The following TIMD4 variants were observed in gnomAD, a reference collection of about 807,000 sequenced individuals.
The protein encoded by TIMD4 is T cell immunoglobulin and mucin domain containing 4, also known as T-cell immunoglobulin and mucin domain-containing protein 4.
TIMD4 carries 31 observed loss-of-function variants against 41.2 expected under a neutral mutation model. That is an observed-to-expected ratio of 0.75 (90% CI 0.57 to 1.01). The LOEUF (loss-of-function observed/expected upper bound fraction) is 1.01. Ranked by LOEUF, TIMD4 falls within the 50% of genes least tolerant of loss-of-function variation. TIMD4 has a pLI of 0.00. For missense variants in TIMD4, 479 were observed against 472.5 expected (o/e 1.01, Z -0.13); for synonymous variants, 204 against 177.1 (o/e 1.15, Z -1.21).
chr5:156,954,368 C>G, intron 2 of TIMD4, 47 bp downstream of exon 2: 1 of 1,553,562 alleles, frequency 6.4e-7, no homozygotes, highest in Non-Finnish European at 8.8e-7. Flanking sequence ...TGTCCATTAA[C>G]CACTGAATCT....
chr5:156,962,466 G>A (rs754200769), intron 1 of TIMD4, among the ~76,000 whole-genome samples: 1 of 152,048 alleles, frequency 6.6e-6, no homozygotes, highest in Non-Finnish European at 1.5e-5. Context: ...TCTTGTCCTA[G>A]AAGCACAGAT....
chr5:156,947,615 A>G (rs988222630), intron 5 of TIMD4, among the ~76,000 whole-genome samples: 1 of 152,260 alleles, frequency 6.6e-6, no homozygotes. Context: ...ACATGTATCT[A>G]CATAGATTAA....
At chr5:156,944,716 A>G (rs373155331) in intron 5 of TIMD4, among the ~76,000 whole-genome samples, 1 of 152,048 alleles carries the variant, frequency 6.6e-6, no homozygotes, top group Non-Finnish European at 1.5e-5. Context: ...TGTGTTAGCC[A>G]GGATGGTCTC....
chr5:156,927,160 A>C (rs1759363085), intron 5 of TIMD4, among the ~76,000 whole-genome samples: 1 of 152,240 alleles, frequency 6.6e-6, no homozygotes, highest in Admixed American at 6.5e-5. Context: ...TAGTTCATTG[A>C]AAGTTTTATT....
chr5:156,925,857 C>T (rs1393815394), intron 6 of TIMD4, among the ~76,000 whole-genome samples: 1 of 152,148 alleles, frequency 6.6e-6, no homozygotes, highest in Non-Finnish European at 1.5e-5. Context: ...CCTGCTTTTC[C>T]TAGTCCATCT....
rs1759858739 is a variant in TIMD4 at position 156,951,651 on chromosome 5, T to C, written c.540A>G (p.Gly180=). 1.9e-6 allele frequency: 3 copies of C among 1,614,086 alleles called. No homozygotes were observed. The South Asian group carries it at 3.3e-5, about 18-fold the overall frequency. Residue 180 remains glycine (G), a synonymous_variant, in exon 3 of 9, where the codon GGA becomes GGG. Coordinates refer to ENST00000274532, the MANE Select transcript of TIMD4 (RefSeq NM_138379.3). The part of the protein sequence containing the change: ...TVVTTPDLTT[G]TPLQMTTIAV... ...CAATGGTTGTCATCTGGAGTGGTGT[T>C]CCGGTTGTGAGATCGGGTGTGGTCA...
At chr5:156,961,837 G>GAAAAAAA (rs1753066060) in intron 1 of TIMD4, among the ~76,000 whole-genome samples, 1 of 66,482 alleles carries the variant, frequency 1.5e-5, no homozygotes, top group East Asian at 4.8e-4. Flanking sequence ...AAAAAAAAAA[G>GAAAAAAA]AAAGAAAAAA....
chr5:156,927,815 G>A (rs775824115), intron 5 of TIMD4, among the ~76,000 whole-genome samples: 2 of 152,116 alleles, frequency 1.3e-5, no homozygotes, highest in Non-Finnish European at 2.9e-5. Flanking sequence ...AGTGGAGAAG[G>A]GTAAGTCTAG....
chr5:156,929,365 C>T (rs1759407052), intron 5 of TIMD4, among the ~76,000 whole-genome samples: 1 of 152,184 alleles, frequency 6.6e-6, no homozygotes. Flanking sequence ...CATAGTATCA[C>T]TACCCCCTCT....
chr5:156,936,869 T>C (rs1441251074), intron 5 of TIMD4, among the ~76,000 whole-genome samples: 1 of 149,660 alleles, frequency 6.7e-6, no homozygotes, highest in African/African-American at 2.5e-5. Flanking sequence ...GAGGCAGAGG[T>C]TGCAGTGAGC....
At chr5:156,944,104 C>T (rs1000126875) in intron 5 of TIMD4, among the ~76,000 whole-genome samples, 15 of 151,644 alleles carry the variant, frequency 9.9e-5, no homozygotes, top group African/African-American at 2.9e-4. Context: ...ATCCCATAGG[C>T]GAAAAGTATG....
At chr5:156,951,422 TCACA>T (rs1759850567) in intron 3 of TIMD4, 86 bp downstream of exon 3, 1 of 1,470,980 alleles carries the variant, frequency 6.8e-7, no homozygotes, top group East Asian at 2.3e-5. Flanking sequence ...ACGCACACAC[TCACA>T]CACACACTGA....
At chr5:156,963,072 G>T in intron 1 of TIMD4, 69 bp downstream of exon 1, 2 of 1,499,870 alleles carry the variant, frequency 1.3e-6, no homozygotes, top group Non-Finnish European at 1.9e-6. Flanking sequence ...CCAAACCAGT[G>T]CATGGAAATC....
chr5:156,919,500 A>T lies in TIMD4; in HGVS notation c.1094T>A (p.Val365Glu), dbSNP rs773869520. 1 of 1,614,102 alleles carries T rather than the reference A, an allele frequency of 6.2e-7. No homozygotes were observed. The highest frequency in any genetic ancestry group is 1.1e-5 in the South Asian group (1 of 91,084). Reference protein sequence around the residue: ...IGDSKNVLNDVQHGREDEDGL... With the variant: ...IGDSKNVLNDEQHGREDEDGL... ...GTCTTCGTCTTCCCTTCCATGCTGC[A>T]CGTCATTGAGGACATTTTTACTATC... Residue 365 changes from valine (V) to glutamate (E), a missense_variant, in exon 9 of 9, where the codon GTG (valine) becomes GAG (glutamate). Coordinates refer to ENST00000274532, the MANE Select transcript of TIMD4 (RefSeq NM_138379.3).
At chr5:156,936,219 G>A (rs1296873409) in intron 5 of TIMD4, among the ~76,000 whole-genome samples, 1 of 152,120 alleles carries the variant, frequency 6.6e-6, no homozygotes, top group Non-Finnish European at 1.5e-5. Context: ...AGCCTGAGCT[G>A]CAGAACGAGA....
At chr5:156,960,869 A>G (rs76733337) in intron 1 of TIMD4, among the ~76,000 whole-genome samples, 358 of 152,362 alleles carry the variant, frequency 2.3e-3, no homozygotes, top group African/African-American at 8.3e-3. Context: ...AAGTTTACAG[A>G]TGCAGGAACT....
chr5:156,953,814 C>G (rs896115763), intron 2 of TIMD4, among the ~76,000 whole-genome samples: 1 of 152,160 alleles, frequency 6.6e-6, no homozygotes, highest in African/African-American at 2.4e-5. Context: ...CTATACTGGA[C>G]AAGCCCTAAA....
chr5:156,955,534 T>A (rs1759956320), intron 1 of TIMD4, among the ~76,000 whole-genome samples: 1 of 152,054 alleles, frequency 6.6e-6, no homozygotes, highest in South Asian at 2.1e-4. Flanking sequence ...CAGGCGCCTA[T>A]GGTCCCAGCT....
chr5:156,951,934 T>C (rs1172974047), intron 2 of TIMD4, 144 bp from the exon 3 acceptor site: 2 of 1,112,906 alleles, frequency 1.8e-6, no homozygotes, highest in African/African-American at 1.6e-5. Flanking sequence ...TAAAATTGTG[T>C]TTCCTGCCCC....
Sources: allele counts gnomAD v4.1 joint callset (sites outside exome capture counted in the v4.1 genomes callset), GRCh38; gene constraint gnomAD v4.1.1; transcripts MANE v1.5; gene names NCBI Gene and HGNC (gene_info 2026-07-23, HGNC 2026-07-21).